WDR86: variants seen among roughly 807,000 people sequenced by gnomAD.
WDR86 encodes the protein WD repeat-containing protein 86.
A neutral mutation model predicts 36.5 loss-of-function variants in WDR86; 30 were observed. The observed-to-expected ratio is 0.82, with a 90% CI of 0.61 to 1.11. The LOEUF is 1.11. Ranked by LOEUF, WDR86 falls within the 50% of genes most tolerant of loss-of-function variation. The pLI is 0.00. For missense variants in WDR86, 545 were observed against 561.2 expected (o/e 0.97, Z 0.29); for synonymous variants, 255 against 252.9 (o/e 1.01, Z -0.08).
intron 3 of WDR86, among the ~76,000 whole-genome samples, chr7:151,387,185 C>CTT (rs1799046150): frequency 6.6e-6 from 1 of 152,220 alleles, no homozygotes; most frequent in Non-Finnish European, 1.5e-5. Flanking sequence ...CCTCCAAGGA[C>CTT]TGGCCAGCTT....
chr7:151,379,141 G>A (rs1798444975), downstream of WDR86, among the ~76,000 whole-genome samples: 2 of 152,306 alleles, frequency 1.3e-5, no homozygotes, highest in South Asian at 4.1e-4. Flanking sequence ...AAACAAGATA[G>A]TATTTGGGGC....
downstream of WDR86, chr7:151,377,682 A>G (rs750067194): frequency 1.3e-5 from 2 of 152,682 alleles, no homozygotes; most frequent in African/African-American, 2.4e-5. Context: ...AGGGTGCCAC[A>G]TGGGTTCCTG....
intron 3 of WDR86, 25 bp from the exon 4 acceptor site, chr7:151,385,248 G>T (rs561651701): frequency 6.2e-7 from 1 of 1,607,062 alleles, no homozygotes; most frequent in Admixed American, 1.7e-5. Context: ...AGGGAAGGTC[G>T]GCAGCTGGGG....
In WDR86 at chr7:151,381,988, A is replaced by T. The variant is rs762502334; in HGVS notation, c.863-7T>A. Reference sequence around the variant, plus strand: ...TCCCCGCTGCCCGTGAACACTGCGGACACACAGCGCGCGCTGGGCCTCCCT... The same window carrying T: ...TCCCCGCTGCCCGTGAACACTGCGGTCACACAGCGCGCGCTGGGCCTCCCT... On this transcript the variant is annotated splice_region_variant and splice_polypyrimidine_tract_variant and intron_variant, in intron 4 of 5. Coordinates refer to ENST00000334493, the MANE Select transcript of WDR86 (RefSeq NM_198285.3). This position sits in a 1 kb window ranked among gnomAD's most constrained non-coding sequence, Gnocchi z 4.8. 1.3e-5 allele frequency: 20 copies of T among 1,593,534 alleles called. No individual in the cohort carries two copies. The highest frequency in any genetic ancestry group is 1.6e-5 in the Non-Finnish European group (19 of 1,170,954).
At chr7:151,374,219 C>T (rs530374847), downstream of WDR86, 58 of 1,559,668 alleles carry the variant, frequency 3.7e-5, no homozygotes, top group South Asian at 5.9e-5. Context: ...ACGCAGCCAG[C>T]GGGAACTTGG....
At chr7:151,395,730 G>A (rs1251496976) in intron 3 of WDR86, 46 bp downstream of exon 3, 2 of 1,508,032 alleles carry the variant, frequency 1.3e-6, no homozygotes, top group Non-Finnish European at 8.9e-7. Flanking sequence ...TGCAGGGGGT[G>A]ACCTGGGCTC....
At chr7:151,377,303 C>A, downstream of WDR86, 12 of 904,658 alleles carry the variant, frequency 1.3e-5, no homozygotes, top group Non-Finnish European at 1.7e-5. Flanking sequence ...TCTTTCTGTT[C>A]TTACTTTTTA....
In WDR86 at chr7:151,401,034, G is replaced by A. The variant is rs1199761034; in HGVS notation, c.164-793C>T. 3.3e-5 allele frequency among the ~76,000 whole-genome samples: 5 copies of A among 152,328 alleles called. No individual in the cohort carries two copies. The East Asian group carries it at 7.7e-4, about 24-fold the overall frequency. On this transcript the variant is annotated intron_variant, in intron 1 of 5. Transcript: ENST00000334493. The surrounding 1 kb of genome is among the most constrained non-coding windows in gnomAD (Gnocchi z 4.3). ...GTATGAACAGGGATGCACAGCCACTGTGCATGAGCACCCAGAACATGCTTC... is the reference window on the plus strand; with the variant it reads ...GTATGAACAGGGATGCACAGCCACTATGCATGAGCACCCAGAACATGCTTC...
chr7:151,402,160 G>A (rs1255722080), intron 1 of WDR86, among the ~76,000 whole-genome samples: 1 of 148,664 alleles, frequency 6.7e-6, no homozygotes, highest in Non-Finnish European at 1.5e-5. Context: ...AGGCCGTGAA[G>A]GTGAAGGCAG....
At chr7:151,403,494 C>T (rs1800480847) in intron 1 of WDR86, among the ~76,000 whole-genome samples, 1 of 152,146 alleles carries the variant, frequency 6.6e-6, no homozygotes, top group Non-Finnish European at 1.5e-5. Flanking sequence ...TCCACCCCTT[C>T]CCCCGACCCC....
rs1799159281 is a variant in WDR86, at chr7:151,388,558, G to A, written c.727-3335C>T. Among the ~76,000 whole-genome samples the A allele has an allele frequency of 3.3e-5, 5 of 152,316 alleles. No individual in the cohort carries two copies. The South Asian group carries it at 1.0e-3, about 32-fold the overall frequency. ...ATCTCTGGCCCGACCCTCTCCAAAG[G>A]AGGCCTGTGTGCTCCTGGCTCTGTC... On this transcript the variant is annotated intron_variant, in intron 3 of 5. Coordinates refer to ENST00000334493, the MANE Select transcript of WDR86 (RefSeq NM_198285.3). The surrounding 1 kb of genome is among the most constrained non-coding windows in gnomAD (Gnocchi z 4.2).
chr7:151,386,734 C>T (rs1483338688), intron 3 of WDR86, among the ~76,000 whole-genome samples: 1 of 152,174 alleles, frequency 6.6e-6, no homozygotes, highest in African/African-American at 2.4e-5. Flanking sequence ...CTTCAACAGC[C>T]CCTCTGCTTC....
chr7:151,371,494 C>T (rs555882850), downstream of WDR86, among the ~76,000 whole-genome samples: 39 of 152,174 alleles, frequency 2.6e-4, no homozygotes, highest in African/African-American at 7.7e-4. Flanking sequence ...GCTGGAGGAA[C>T]GCCAAGACTG....
At chr7:151,407,967 C>T (rs1239141701) in intron 1 of WDR86, among the ~76,000 whole-genome samples, 3 of 152,100 alleles carry the variant, frequency 2.0e-5, no homozygotes, top group African/African-American at 7.2e-5. Context: ...CCAAGACAGT[C>T]TTATGTTTGG....
intron 1 of WDR86, among the ~76,000 whole-genome samples, chr7:151,403,866 T>A (rs1351166911): frequency 2.0e-5 from 3 of 152,026 alleles, no homozygotes; most frequent in Non-Finnish European, 4.4e-5. Flanking sequence ...ACACCCAAGA[T>A]GGAAAGGTAA....
chr7:151,391,178 A>G (rs1799407881), intron 3 of WDR86, among the ~76,000 whole-genome samples: 1 of 152,206 alleles, frequency 6.6e-6, no homozygotes, highest in Non-Finnish European at 1.5e-5. Context: ...GAAGCCACAG[A>G]AGGCAGGAGG....
chr7:151,379,497 C>T (rs566929765), downstream of WDR86, among the ~76,000 whole-genome samples: 5 of 152,092 alleles, frequency 3.3e-5, no homozygotes, highest in Admixed American at 2.0e-4. Context: ...CATAGCAAGG[C>T]GACAGTGGTG....
At chr7:151,380,985 A>T, downstream of WDR86, 1 of 278,534 alleles carries the variant, frequency 3.6e-6, no homozygotes, top group Non-Finnish European at 5.9e-6. Context: ...CAGCGCACCC[A>T]CAAGTCACCC....
chr7:151,377,378 C>T, downstream of WDR86: 4 of 533,946 alleles, frequency 7.5e-6, no homozygotes, highest in South Asian at 8.9e-5. Context: ...AGGAGGGGTC[C>T]CAGGGCCTTC....
Sources: allele counts gnomAD v4.1 joint callset (sites outside exome capture counted in the v4.1 genomes callset), GRCh38; gene constraint gnomAD v4.1.1; non-coding constraint Gnocchi (gnomAD v3.1); transcripts MANE v1.5; gene names NCBI Gene and HGNC (gene_info 2026-07-23, HGNC 2026-07-21).